Variants in PHACTR1 observed in about 807,000 individuals in gnomAD.
PHACTR1 encodes phosphatase and actin regulator 1.
In PHACTR1, 16 loss-of-function variants were observed where a neutral mutation model predicts 69.2. That is an observed-to-expected ratio of 0.23 (90% CI 0.16 to 0.35). PHACTR1 has a LOEUF of 0.35. Ranked by LOEUF, PHACTR1 falls within the 10% of genes least tolerant of loss-of-function variation. The pLI, the probability that PHACTR1 is intolerant of heterozygous loss-of-function variation, is 1.00. For missense variants in PHACTR1, 510 were observed against 734.7 expected (o/e 0.69, Z 3.54); for synonymous variants, 312 against 284.5 (o/e 1.10, Z -0.97).
Position 12,930,495 on chromosome 6 carries a change from G to A in PHACTR1, c.251-122870G>A, listed in dbSNP as rs564311955. 5.3e-5 allele frequency among the ~76,000 whole-genome samples: 8 copies of A among 152,292 alleles called. No homozygotes were observed. The South Asian group carries it at 1.2e-3, about 24-fold the overall frequency. ...CTGTTATAACAGAATTGTGTACAGC[G>A]TTGCCAGCCACATCTGCCCTCAGTG... On this transcript the variant is annotated intron_variant, in intron 4 of 14. Transcript: ENST00000332995.
intron 4 of PHACTR1, among the ~76,000 whole-genome samples, chr6:12,837,647 C>T (rs1778290377): frequency 6.6e-6 from 1 of 151,528 alleles, no homozygotes; most frequent in Non-Finnish European, 1.5e-5. Context: ...CTATGAATTG[C>T]AGCCCTACCC....
chr6:12,778,147 T>C (rs889180816), intron 4 of PHACTR1, among the ~76,000 whole-genome samples: 1 of 152,262 alleles, frequency 6.6e-6, no homozygotes, highest in African/African-American at 2.4e-5. Flanking sequence ...TTAATTATTT[T>C]TGTTATACAC....
At chr6:13,072,724 T>C (rs2127776870) in intron 5 of PHACTR1, among the ~76,000 whole-genome samples, 1 of 152,310 alleles carries the variant, frequency 6.6e-6, no homozygotes, top group Non-Finnish European at 1.5e-5. Context: ...TCTCCTTTAT[T>C]TGTACTTTTT....
At chr6:13,142,782 C>T (rs1327278569) in intron 5 of PHACTR1, among the ~76,000 whole-genome samples, 1 of 151,666 alleles carries the variant, frequency 6.6e-6, no homozygotes, top group Non-Finnish European at 1.5e-5. Context: ...ATGCCAGTAC[C>T]ATACTGTCTT....
At chr6:12,865,045 A>G (rs1357846514) in intron 4 of PHACTR1, among the ~76,000 whole-genome samples, 1 of 152,122 alleles carries the variant, frequency 6.6e-6, no homozygotes, top group East Asian at 1.9e-4. Flanking sequence ...GGTAGGGAAG[A>G]AAAGGCAAGA....
At chr6:13,188,140 A>G (rs140937317) in intron 7 of PHACTR1, among the ~76,000 whole-genome samples, 383 of 152,332 alleles carry the variant, frequency 2.5e-3, no homozygotes, top group Non-Finnish European at 4.4e-3. Flanking sequence ...GAATAAAAAT[A>G]CACAAAAAGC....
intron 4 of PHACTR1, among the ~76,000 whole-genome samples, chr6:13,042,342 T>A (rs114091918): frequency 0.011 from 1,696 of 152,300 alleles, 35 homozygotes; most frequent in African/African-American, 0.039. Flanking sequence ...TGAAGTATGA[T>A]GGAATTTTCT....
intron 5 of PHACTR1, among the ~76,000 whole-genome samples, chr6:13,076,301 G>A (rs141529002): frequency 6.6e-6 from 1 of 152,148 alleles, no homozygotes; most frequent in East Asian, 1.9e-4. Context: ...CACAAAGTAA[G>A]TAATCCTTTA....
chr6:12,782,936 G>T (rs1412676314), intron 4 of PHACTR1, among the ~76,000 whole-genome samples: 1 of 152,176 alleles, frequency 6.6e-6, no homozygotes, highest in African/African-American at 2.4e-5. Context: ...ATAAATATTT[G>T]TGTTCAACCT....
intron 8 of PHACTR1, among the ~76,000 whole-genome samples, chr6:13,226,208 A>T (rs569577424): frequency 2.0e-5 from 3 of 152,182 alleles, no homozygotes; most frequent in Non-Finnish European, 4.4e-5. Flanking sequence ...TGTTAACTAG[A>T]TTTTTCCATT....
chr6:13,220,942 G>T (rs993160272), intron 8 of PHACTR1, among the ~76,000 whole-genome samples: 2 of 152,170 alleles, frequency 1.3e-5, no homozygotes, highest in Non-Finnish European at 2.9e-5. Flanking sequence ...GTTAATTGGC[G>T]TGGGGGGTAA....
chr6:13,143,286 C>A (rs1037233311), intron 5 of PHACTR1, among the ~76,000 whole-genome samples: 1 of 152,174 alleles, frequency 6.6e-6, no homozygotes. Flanking sequence ...AAAAGTATAA[C>A]TGGATGGTTT....
intron 4 of PHACTR1, among the ~76,000 whole-genome samples, chr6:12,885,297 G>A (rs1197943243): frequency 6.6e-6 from 1 of 152,206 alleles, no homozygotes; most frequent in African/African-American, 2.4e-5. Flanking sequence ...CTGGGGGAAG[G>A]CTGTCCTCAA....
intron 4 of PHACTR1, among the ~76,000 whole-genome samples, chr6:13,016,498 TA>T (rs1800195079): frequency 6.6e-6 from 1 of 152,242 alleles, no homozygotes; most frequent in Non-Finnish European, 1.5e-5. Flanking sequence ...AATAGTTATT[TA>T]AAGCATATTT....
At chr6:12,911,657 A>AT (rs1248577009) in intron 4 of PHACTR1, among the ~76,000 whole-genome samples, 1 of 152,078 alleles carries the variant, frequency 6.6e-6, no homozygotes, top group African/African-American at 2.4e-5. Context: ...TACTCAAATG[A>AT]TTTTTTGTTT....
At chr6:12,877,844 C>T (rs1782694747) in intron 4 of PHACTR1, among the ~76,000 whole-genome samples, 1 of 152,188 alleles carries the variant, frequency 6.6e-6, no homozygotes, top group South Asian at 2.1e-4. Flanking sequence ...GGCTCAGTGT[C>T]CACAATTCAG....
At chr6:12,754,945 C>T (rs554093889) in intron 4 of PHACTR1, among the ~76,000 whole-genome samples, 3 of 152,304 alleles carry the variant, frequency 2.0e-5, no homozygotes, top group South Asian at 2.1e-4. Flanking sequence ...TGAGTATCCA[C>T]GCATTTTGTT....
chr6:13,048,703 T>G (rs1805480112), intron 4 of PHACTR1, among the ~76,000 whole-genome samples: 1 of 152,198 alleles, frequency 6.6e-6, no homozygotes, highest in Non-Finnish European at 1.5e-5. Flanking sequence ...AGCTTATTTT[T>G]CTGTTTTTAG....
chr6:12,872,714 A>G (rs1196458918), intron 4 of PHACTR1, among the ~76,000 whole-genome samples: 3 of 151,994 alleles, frequency 2.0e-5, no homozygotes, highest in Non-Finnish European at 4.4e-5. Flanking sequence ...TGCCCCCCGA[A>G]GTTTCTCATC....
Sources: allele counts gnomAD v4.1 joint callset (sites outside exome capture counted in the v4.1 genomes callset), GRCh38; gene constraint gnomAD v4.1.1; transcripts MANE v1.5; gene names NCBI Gene and HGNC (gene_info 2026-07-23, HGNC 2026-07-21).